The following TMEM178B variants were observed in gnomAD, a reference collection of about 807,000 sequenced individuals.
TMEM178B encodes the protein transmembrane protein 178B.
Under a neutral mutation model 31.0 loss-of-function variants are expected in TMEM178B, and 5 were observed. That is an observed-to-expected ratio of 0.16 (90% CI 0.08 to 0.34). The LOEUF is 0.34. Among genes scored for constraint, TMEM178B ranks in the 10% least tolerant of loss-of-function variants. The pLI is 1.00. For missense variants in TMEM178B, 275 were observed against 400.3 expected, an observed-to-expected ratio of 0.69 and a Z score of 2.67; for synonymous variants, 164 against 164.0, an observed-to-expected ratio of 1.00 and a Z score of 0.00.
rs187421696 is a variant in TMEM178B at position 141,100,061 on chromosome 7, C to T, written c.382+25369C>T. 5.3e-3 allele frequency among the ~76,000 whole-genome samples: 802 copies of T among 152,226 alleles called. 5 individuals are homozygous for T. The highest frequency in any genetic ancestry group is 0.02 in the Middle Eastern group (6 of 294). On this transcript the variant is annotated intron_variant, in intron 1 of 3. Transcript: ENST00000565468. The stretch of plus-strand genomic sequence containing the variant: ...GTCTCGATCTCCTGACCTCGTGATC[C>T]GCCCGCCTTGGCCTCCCAAAGTGCT...
At chr7:141,403,916 G>A (rs1800832217) in intron 2 of TMEM178B, among the ~76,000 whole-genome samples, 1 of 152,196 alleles carries the variant, frequency 6.6e-6, no homozygotes, top group Non-Finnish European at 1.5e-5. Context: ...CATCCTTTGA[G>A]TTCCTCCTCG....
chr7:141,293,892 G>T (rs217024), intron 2 of TMEM178B, among the ~76,000 whole-genome samples: 15,308 of 152,152 alleles, frequency 0.1, 1,162 homozygotes, highest in African/African-American at 0.2. Context: ...CATCAAAAAC[G>T]TAGGAAACCC....
intron 1 of TMEM178B, among the ~76,000 whole-genome samples, chr7:141,129,029 G>A (rs1293244209): frequency 6.6e-6 from 1 of 152,214 alleles, no homozygotes; most frequent in Non-Finnish European, 1.5e-5. Flanking sequence ...GTGGAAGTCA[G>A]TGAAATCCTG....
intron 1 of TMEM178B, among the ~76,000 whole-genome samples, chr7:141,184,809 A>G (rs547386882): frequency 9.2e-5 from 14 of 152,156 alleles, no homozygotes; most frequent in Non-Finnish European, 1.9e-4. Context: ...TTTTCTCAGG[A>G]TGAATATTTT....
At chr7:141,134,599 A>T (rs576397334) in intron 1 of TMEM178B, among the ~76,000 whole-genome samples, 1 of 152,322 alleles carries the variant, frequency 6.6e-6, no homozygotes, top group East Asian at 1.9e-4. Flanking sequence ...AATGATAAAC[A>T]TTAAGAAAGA....
chr7:141,273,915 A>T (rs1359720875), intron 2 of TMEM178B, among the ~76,000 whole-genome samples: 2 of 152,242 alleles, frequency 1.3e-5, no homozygotes, highest in Non-Finnish European at 2.9e-5. Flanking sequence ...AAGATGACTT[A>T]CATCTCCTAC....
Position 141,419,159 on chromosome 7 carries a change from C to T in TMEM178B, c.497-18449C>T, listed in dbSNP as rs538521221. On this transcript the variant is annotated intron_variant, in intron 2 of 3. Transcript: ENST00000565468. ...GCCTGACCTCAAGTGATCCACCCAC[C>T]TTGGCCTCCCAAAGTGCTGGGATTA... Among the ~76,000 whole-genome samples, 8 of 152,300 alleles carry T rather than the reference C, an allele frequency of 5.3e-5. No homozygotes were observed. In the South Asian group the frequency reaches 1.7e-3, roughly 32 times the overall value.
At chr7:141,172,191 T>C (rs560428917) in intron 1 of TMEM178B, among the ~76,000 whole-genome samples, 1 of 152,316 alleles carries the variant, frequency 6.6e-6, no homozygotes, top group African/African-American at 2.4e-5. Context: ...GTCTATTTCA[T>C]AATTTCGCTT....
chr7:141,198,837 C>A (rs1380384185), intron 1 of TMEM178B, among the ~76,000 whole-genome samples: 1 of 152,220 alleles, frequency 6.6e-6, no homozygotes. Flanking sequence ...GGAGCTGCGC[C>A]GGGTGTCTGC....
chr7:141,453,671 G>T (rs1048270437), intron 3 of TMEM178B, among the ~76,000 whole-genome samples: 1 of 152,194 alleles, frequency 6.6e-6, no homozygotes, highest in African/African-American at 2.4e-5. Context: ...GCCTCACAGG[G>T]GAGCTAATGG....
At chr7:141,493,182 A>C in the TMEM178B span, among the ~76,000 whole-genome samples, 1 of 152,014 alleles carries the variant, frequency 6.6e-6, no homozygotes, top group Non-Finnish European at 1.5e-5. Flanking sequence ...CCCCAACCCC[A>C]ACTCCCCTCC....
intron 2 of TMEM178B, among the ~76,000 whole-genome samples, chr7:141,303,086 C>T (rs1798755097): frequency 6.6e-6 from 1 of 152,144 alleles, no homozygotes; most frequent in African/African-American, 2.4e-5. Flanking sequence ...CAATTTGCAA[C>T]TAGGTTCTTT....
the TMEM178B span, among the ~76,000 whole-genome samples, chr7:141,496,864 T>C: frequency 3.2e-3 from 494 of 152,210 alleles, 1 homozygote; most frequent in Middle Eastern, 0.02. Flanking sequence ...TATTTCCCCA[T>C]TGTATTCAAT....
chr7:141,224,883 T>C (rs1307081353), intron 2 of TMEM178B, among the ~76,000 whole-genome samples: 2 of 152,190 alleles, frequency 1.3e-5, no homozygotes, highest in Non-Finnish European at 1.5e-5. Flanking sequence ...CACTCCCACA[T>C]TGGGCACTTC....
intron 3 of TMEM178B, among the ~76,000 whole-genome samples, chr7:141,454,591 C>G (rs1563187089): frequency 1.4e-5 from 2 of 147,800 alleles, no homozygotes; most frequent in African/African-American, 4.9e-5. Context: ...TCTCTCTCCT[C>G]TCTCTCCTCT....
intron 1 of TMEM178B, among the ~76,000 whole-genome samples, chr7:141,143,793 A>G (rs996354518): frequency 6.7e-6 from 1 of 149,926 alleles, no homozygotes; most frequent in South Asian, 2.1e-4. Flanking sequence ...TTAAATCTAT[A>G]GATTGCTTTA....
chr7:141,197,236 C>T (rs1796797429), intron 1 of TMEM178B, among the ~76,000 whole-genome samples: 1 of 152,166 alleles, frequency 6.6e-6, no homozygotes, highest in South Asian at 2.1e-4. Flanking sequence ...TAGATACTTG[C>T]ACCACAGCAT....
intron 3 of TMEM178B, among the ~76,000 whole-genome samples, chr7:141,454,893 C>T (rs7790490): frequency 0.47 from 71,239 of 151,612 alleles, 18,550 homozygotes; most frequent in Middle Eastern, 0.62. Context: ...CAATAATTCT[C>T]ATTCCTCGAA....
intron 2 of TMEM178B, among the ~76,000 whole-genome samples, chr7:141,404,973 C>G (rs1004099851): frequency 6.6e-6 from 1 of 152,224 alleles, no homozygotes; most frequent in African/African-American, 2.4e-5. Context: ...CACCCCCTTG[C>G]AGTATGTGGG....
Sources: gnomAD v4.1 joint callset for allele counts (sites outside exome capture counted in the v4.1 genomes callset) on GRCh38, gnomAD v4.1.1 for gene constraint, MANE v1.5 for transcripts, NCBI Gene and HGNC (gene_info 2026-07-23, HGNC 2026-07-21) for gene names.